ADGB: variants seen among roughly 807,000 people sequenced by gnomAD.
ADGB encodes calpain-7-like protein.
In ADGB, 172 loss-of-function variants were observed where a neutral mutation model predicts 210.5. The observed-to-expected ratio is 0.82, with a 90% CI of 0.72 to 0.93. ADGB has a LOEUF of 0.93. Among genes scored for constraint, ADGB ranks in the 40% least tolerant of loss-of-function variants. ADGB has a pLI of 0.00. For missense variants in ADGB, 2,025 were observed against 1,964.8 expected (o/e 1.03, Z -0.58); for synonymous variants, 658 against 662.7 (o/e 0.99, Z 0.11).
rs1289986568 is a variant in ADGB at position 146,691,123 on chromosome 6, C to A, written c.1319C>A (p.Ser440Tyr). The change falls in exon 11 of 36, where the codon TCT becomes TAT. Residue 440 changes from serine to tyrosine, a missense_variant. Transcript: ENST00000397944. Reference sequence around the variant, plus strand: ...TTACTTTCCATCTTCTAGGCAGATTCTGCTGAGAAACTTAGAGAATATGGG... The same window carrying A: ...TTACTTTCCATCTTCTAGGCAGATTATGCTGAGAAACTTAGAGAATATGGG... Reference protein sequence around the residue: ...KIFSLEKMADSAEKLREYGLS... With the variant: ...KIFSLEKMADYAEKLREYGLS... 64 of 1,519,588 alleles carry A rather than the reference C, an allele frequency of 4.2e-5. No homozygotes were observed. Among genetic ancestry groups the A allele is most frequent in the Non-Finnish European group, 5.5e-5 (62 of 1,134,034 alleles). The allele number at this position is 1,519,588 out of a possible 1,614,324, so 94.1% of individuals were successfully genotyped here.
intron 12 of ADGB, among the ~76,000 whole-genome samples, chr6:146,698,322 T>A (rs1461977187): frequency 6.6e-6 from 1 of 152,230 alleles, no homozygotes; most frequent in East Asian, 1.9e-4. Context: ...CCATTAAATA[T>A]GGCTTTAGCC....
intron 6 of ADGB, among the ~76,000 whole-genome samples, chr6:146,666,570 A>G (rs1260451462): frequency 6.6e-6 from 1 of 151,966 alleles, no homozygotes; most frequent in Non-Finnish European, 1.5e-5. Context: ...TAGCATTAAT[A>G]TTACTTTTAG....
At chr6:146,625,606 C>G (rs1455747449) in intron 1 of ADGB, among the ~76,000 whole-genome samples, 1 of 151,980 alleles carries the variant, frequency 6.6e-6, no homozygotes, top group Non-Finnish European at 1.5e-5. Context: ...AGTTCACATG[C>G]AATATGGTTG....
chr6:146,683,928 G>A (rs1274094623), intron 9 of ADGB, among the ~76,000 whole-genome samples: 3 of 151,984 alleles, frequency 2.0e-5, no homozygotes, highest in African/African-American at 7.2e-5. Flanking sequence ...ACAAATGTGG[G>A]ATATAATGTG....
intron 20 of ADGB, among the ~76,000 whole-genome samples, chr6:146,731,721 T>G (rs1776990719): frequency 6.6e-6 from 1 of 152,204 alleles, no homozygotes; most frequent in Non-Finnish European, 1.5e-5. Context: ...TTTCTGCTTA[T>G]CCACCAAGAT....
chr6:146,603,324 T>C (rs1357090014), intron 1 of ADGB, among the ~76,000 whole-genome samples: 1 of 152,192 alleles, frequency 6.6e-6, no homozygotes, highest in Non-Finnish European at 1.5e-5. Context: ...AAGACAAAAA[T>C]TTGATCTTCT....
At chr6:146,659,086 T>G (rs1393314769) in intron 5 of ADGB, among the ~76,000 whole-genome samples, 1 of 152,212 alleles carries the variant, frequency 6.6e-6, no homozygotes, top group Non-Finnish European at 1.5e-5. Flanking sequence ...TTAACATTAG[T>G]AAGAAGTTAG....
rs925789469 is a variant in ADGB, at chr6:146,764,197, G to A, written c.3750+97G>A. ...AAAAATAGTCAATATACAGTGTGCA[G>A]TGCTGCCAATGTATAGCCAGAATTG... is the stretch of plus-strand genomic sequence containing the variant. On this transcript the variant is annotated intron_variant, in intron 28 of 35. Coordinates refer to ENST00000397944, the MANE Select transcript of ADGB (RefSeq NM_024694.4). The A allele has an allele frequency of 7.4e-6, 8 of 1,075,724 alleles. No individual in the cohort carries two copies. The African/African-American group carries it at 7.9e-5, about 11-fold the overall frequency. The allele number at this position is 1,075,724 out of a possible 1,614,324, so 66.6% of individuals were successfully genotyped here.
At chr6:146,676,191 C>A in intron 8 of ADGB, 122 bp from the exon 9 acceptor site, 1 of 868,120 alleles carries the variant, frequency 1.2e-6, no homozygotes, top group Non-Finnish European at 1.6e-6. Flanking sequence ...GAAATTATGG[C>A]ATAATTTTAC....
At position 146,782,205 on chromosome 6, in the gene ADGB, T is replaced by C; in HGVS notation, c.4035+13T>C. The C allele has an allele frequency of 1.3e-6, 2 of 1,499,936 alleles. No individual in the cohort carries two copies. Among genetic ancestry groups the C allele is most frequent in the Non-Finnish European group, 1.8e-6 (2 of 1,127,436 alleles). 92.9% of individuals were successfully genotyped at this position (1,499,936 alleles called of 1,614,324 possible). Reference sequence around the variant, plus strand: ...CTTTGAGCCTCAGGTGGGTGTGGAATTTTTTTTATTTGAGTGACTTAATGA... The same window carrying C: ...CTTTGAGCCTCAGGTGGGTGTGGAACTTTTTTTATTTGAGTGACTTAATGA... On this transcript the variant is annotated intron_variant, in intron 30 of 35. Coordinates refer to ENST00000397944, the MANE Select transcript of ADGB (RefSeq NM_024694.4).
chr6:146,652,831 C>T (rs1296936629), intron 3 of ADGB, among the ~76,000 whole-genome samples: 1 of 152,078 alleles, frequency 6.6e-6, no homozygotes, highest in Non-Finnish European at 1.5e-5. Context: ...AAGATATTTT[C>T]CCTCCTATCA....
intron 2 of ADGB, chr6:146,638,719 C>T (rs1003737101): frequency 1.3e-5 from 2 of 150,960 alleles, no homozygotes; most frequent in African/African-American, 4.9e-5. Context: ...CTAACCTGCA[C>T]ATTGTGCACA....
intron 23 of ADGB, among the ~76,000 whole-genome samples, chr6:146,738,926 CT>C (rs1239525622): frequency 6.6e-6 from 1 of 152,138 alleles, no homozygotes; most frequent in Non-Finnish European, 1.5e-5. Context: ...ACAAACTCCC[CT>C]ATGAGGGCAT....
intron 12 of ADGB, among the ~76,000 whole-genome samples, chr6:146,699,306 A>T (rs1776454258): frequency 6.6e-6 from 1 of 152,116 alleles, no homozygotes; most frequent in Admixed American, 6.6e-5. Context: ...CAGGAAGCTG[A>T]TGGTGTAACT....
chr6:146,624,550 T>G (rs1266939416), intron 1 of ADGB, among the ~76,000 whole-genome samples: 1 of 151,934 alleles, frequency 6.6e-6, no homozygotes, highest in East Asian at 1.9e-4. Context: ...AACTGGATTT[T>G]TGGTTACATT....
At chr6:146,663,192 A>C (rs1438291427) in intron 5 of ADGB, among the ~76,000 whole-genome samples, 1 of 142,906 alleles carries the variant, frequency 7.0e-6, no homozygotes, top group Non-Finnish European at 1.5e-5. Flanking sequence ...TATATATAAT[A>C]ATATTAAGGT....
chr6:146,751,126 A>G (rs1431382522), intron 26 of ADGB, among the ~76,000 whole-genome samples: 2 of 99,116 alleles, frequency 2.0e-5, no homozygotes, highest in African/African-American at 3.8e-5. Context: ...TTGCTCTCCC[A>G]CCCCCCACCC....
At chr6:146,781,098 C>G (rs1203697471) in intron 29 of ADGB, among the ~76,000 whole-genome samples, 1 of 146,412 alleles carries the variant, frequency 6.8e-6, no homozygotes, top group Non-Finnish European at 1.5e-5. Flanking sequence ...GAGGCCGAGG[C>G]AGGCGGATCA....
At chr6:146,807,992 G>GTTTTTTTTTTTTTTTT (rs369961809) in intron 35 of ADGB, among the ~76,000 whole-genome samples, 2 of 103,162 alleles carry the variant, frequency 1.9e-5, no homozygotes, top group African/African-American at 3.8e-5. Flanking sequence ...CTATGCTTCA[G>GTTTTTTTTTTTTTTTT]TTTTTTTTTT....
Sources: allele counts gnomAD v4.1 joint callset (sites outside exome capture counted in the v4.1 genomes callset), GRCh38; gene constraint gnomAD v4.1.1; transcripts MANE v1.5; gene names NCBI Gene and HGNC (gene_info 2026-07-23, HGNC 2026-07-21).